Variants in CC2D2A observed in about 807,000 individuals in gnomAD.
CC2D2A encodes the protein coiled-coil and C2 domain containing 2A, also known as coiled-coil and C2 domain-containing protein 2A.
A neutral mutation model predicts 212.9 loss-of-function variants in CC2D2A; 155 were observed. The ratio of observed to expected loss-of-function variants is 0.73; its 90% CI spans 0.64 to 0.83. The LOEUF is 0.83. Among genes scored for constraint, CC2D2A ranks in the 40% least tolerant of loss-of-function variants. The pLI is 0.00. For synonymous variants in CC2D2A, 667 were observed against 686.5 expected (o/e 0.97, Z 0.44); for missense variants, 1,856 against 1,956.2 (o/e 0.95, Z 0.97).
intron 29 of CC2D2A, chr4:15,576,302 A>G: frequency 1.4e-6 from 1 of 727,974 alleles, no homozygotes; most frequent in Non-Finnish European, 1.7e-6. Flanking sequence ...TTCAGGAAAG[A>G]GAAGGTCTCA....
At chr4:15,476,722 G>A (rs991274325) in intron 2 of CC2D2A, among the ~76,000 whole-genome samples, 1 of 152,204 alleles carries the variant, frequency 6.6e-6, no homozygotes, top group Non-Finnish European at 1.5e-5. Flanking sequence ...AACAATTGTA[G>A]ACACCTGCTA....
intron 17 of CC2D2A, among the ~76,000 whole-genome samples, chr4:15,545,274 T>C (rs1318254918): frequency 1.3e-5 from 2 of 152,188 alleles, no homozygotes; most frequent in Non-Finnish European, 2.9e-5. Flanking sequence ...CTTTAAAGCA[T>C]AGTATATTTC....
At chr4:15,548,187 T>C (rs533588053) in intron 17 of CC2D2A, among the ~76,000 whole-genome samples, 2 of 151,322 alleles carry the variant, frequency 1.3e-5, no homozygotes, top group South Asian at 4.2e-4. Flanking sequence ...CTGATAAATA[T>C]CTCCTGAGAC....
intron 4 of CC2D2A, chr4:15,481,492 CAG>C: frequency 4.7e-6 from 1 of 211,518 alleles, no homozygotes; most frequent in South Asian, 6.3e-5. Context: ...GCCTAGGCAA[CAG>C]AGCAAGACTC....
rs115924432 is a variant in CC2D2A at position 15,527,459 on chromosome 4, G to A, written c.1162G>A (p.Val388Ile). ...CTTTCCTTGGCAGGCTGTAAAATAC[G>A]TTCACAGTAGTCAGCATGTGATCAG... ...ETLYKKAVKY[V>I]HSSQHVIRSG... The change falls in exon 12 of 37, where the codon GTT (valine) becomes ATT (isoleucine). Residue 388 changes from valine to isoleucine, a missense_variant. By Grantham distance (29) the Val-to-Ile change is conservative. Coordinates refer to ENST00000424120, the MANE Select transcript of CC2D2A (RefSeq NM_001378615.1). 508 of 1,612,700 alleles carry A rather than the reference G, an allele frequency of 3.2e-4. 2 individuals carry two copies. The highest frequency in any genetic ancestry group is 2.5e-3 in the African/African-American group (191 of 75,006).
intron 11 of CC2D2A, among the ~76,000 whole-genome samples, chr4:15,525,549 G>T (rs1717463180): frequency 6.6e-6 from 1 of 152,102 alleles, no homozygotes; most frequent in African/African-American, 2.4e-5. Flanking sequence ...CTCCATTGTT[G>T]CAGTCTGAAG....
At chr4:15,470,692 T>TATATATATA (rs1560383223) in intron 1 of CC2D2A, among the ~76,000 whole-genome samples, 8 of 28,072 alleles carry the variant, frequency 2.8e-4, no homozygotes, top group Admixed American at 1.8e-3. Context: ...TCTCTCTCTA[T>TATATATATA]ATATATATAT....
intron 4 of CC2D2A, among the ~76,000 whole-genome samples, chr4:15,495,782 A>G (rs1304587811): frequency 1.3e-5 from 2 of 152,172 alleles, no homozygotes; most frequent in Admixed American, 6.5e-5. Context: ...TGATAGTTCT[A>G]TTTTAAGTTC....
rs762297266 is a variant in CC2D2A, at chr4:15,580,120, C to G, written c.3924C>G (p.Asn1308Lys). The G allele has an allele frequency of 6.2e-7, 1 of 1,613,888 alleles. No individual in the cohort carries two copies. The highest frequency in any genetic ancestry group is 1.7e-5 in the Admixed American group (1 of 60,000). Residue 1308 changes from asparagine to lysine, a missense_variant, in exon 30 of 37, where the codon AAC (asparagine) becomes AAG (lysine). By Grantham distance (94) the Asn-to-Lys change is moderately conservative. Around this residue, in one of 5 missense-constraint regions of CC2D2A, gnomAD observed 20 missense variants for 46.9 expected, o/e 0.43. Transcript: ENST00000424120. The stretch of plus-strand genomic sequence containing the variant: ...TCACACGTTATCTCAAACCTTTAAA[C>G]CCTCCTCAGGAGCTCCTTAATGTCT... ...VFITRYLKPLNPPQELLNVYP... is the reference protein window; with the variant it reads ...VFITRYLKPLKPPQELLNVYP...
intron 19 of CC2D2A, 49 bp from the exon 20 acceptor site, chr4:15,555,021 CAA>C: frequency 6.4e-7 from 1 of 1,568,112 alleles, no homozygotes; most frequent in Non-Finnish European, 8.7e-7. Context: ...GGTCCTGATG[CAA>C]ACTGTTCTGT....
chr4:15,514,947 G>A (rs1029171140), intron 9 of CC2D2A, 78 bp downstream of exon 9: 1 of 1,290,432 alleles, frequency 7.7e-7, no homozygotes, highest in Non-Finnish European at 1.1e-6. Flanking sequence ...AGTGTATAAG[G>A]ATGCCTCATC....
At chr4:15,530,985 A>G (rs1481368227) in intron 13 of CC2D2A, among the ~76,000 whole-genome samples, 1 of 152,208 alleles carries the variant, frequency 6.6e-6, no homozygotes, top group African/African-American at 2.4e-5. Flanking sequence ...CAACATAGGA[A>G]TATTTTACTT....
At chr4:15,506,959 T>A (rs1298885457) in intron 6 of CC2D2A, among the ~76,000 whole-genome samples, 1 of 151,182 alleles carries the variant, frequency 6.6e-6, no homozygotes, top group Non-Finnish European at 1.5e-5. Context: ...GTGCCTGTAA[T>A]CCCAGCTACT....
At chr4:15,485,929 C>G (rs1248160727) in intron 4 of CC2D2A, among the ~76,000 whole-genome samples, 3 of 151,920 alleles carry the variant, frequency 2.0e-5, no homozygotes, top group Admixed American at 6.6e-5. Context: ...TGATCATGTC[C>G]TTTTTCCTTC....
chr4:15,525,167 G>C (rs1401338737), intron 11 of CC2D2A, among the ~76,000 whole-genome samples: 3 of 152,168 alleles, frequency 2.0e-5, no homozygotes, highest in Non-Finnish European at 4.4e-5. Context: ...GAGATGCAAA[G>C]TACAGGTGAC....
chr4:15,534,923 G>C (rs1029941516), intron 14 of CC2D2A, among the ~76,000 whole-genome samples: 4 of 149,334 alleles, frequency 2.7e-5, no homozygotes, highest in African/African-American at 7.5e-5. Context: ...GCAGTTATCT[G>C]ACACATTGCT....
At chr4:15,541,747 T>C (rs1481767978) in intron 17 of CC2D2A, among the ~76,000 whole-genome samples, 3 of 152,154 alleles carry the variant, frequency 2.0e-5, no homozygotes, top group Non-Finnish European at 4.4e-5. Context: ...CCCCCAAAAA[T>C]TAATAAATCT....
In CC2D2A at chr4:15,596,136, G is replaced by A. The variant is rs1195174096; in HGVS notation, c.4366G>A (p.Val1456Ile). Residue 1456 changes from valine (V) to isoleucine (I), a missense_variant, in exon 34 of 37, where the codon GTC becomes ATC. Val to Ile is a conservative substitution (Grantham distance 29, BLOSUM62 3). Transcript: ENST00000424120. ...YESPLRINFDVTRPKLWKSFF... is the reference protein window; with the variant it reads ...YESPLRINFDITRPKLWKSFF... ...ATCTCCACTAAGGATAAATTTTGAT[G>A]TCACCAGGCCCAAGCTATGGAAATC... 10 of 1,549,660 alleles carry A rather than the reference G, an allele frequency of 6.5e-6. No individual in the cohort carries two copies. The East Asian group carries it at 1.5e-4, about 23-fold the overall frequency.
At chr4:15,513,446 T>C (rs1368862748) in intron 8 of CC2D2A, among the ~76,000 whole-genome samples, 1 of 152,244 alleles carries the variant, frequency 6.6e-6, no homozygotes, top group Non-Finnish European at 1.5e-5. Flanking sequence ...TCTGAAATTA[T>C]GGCACTTTCC....
Sources: allele counts gnomAD v4.1 joint callset (sites outside exome capture counted in the v4.1 genomes callset), GRCh38; gene constraint gnomAD v4.1.1; regional missense constraint gnomAD v4.1.1; transcripts MANE v1.5; gene names NCBI Gene and HGNC (gene_info 2026-07-23, HGNC 2026-07-21).